Variants in PLXNA4 observed in about 807,000 individuals in gnomAD.
PLXNA4 encodes the protein plexin A4.
Under a neutral mutation model 191.8 loss-of-function variants are expected in PLXNA4, and 44 were observed. That is an observed-to-expected ratio of 0.23 (90% CI 0.18 to 0.29). The LOEUF is 0.29. Ranked by LOEUF, PLXNA4 falls within the 10% of genes least tolerant of loss-of-function variation. The pLI, the probability that PLXNA4 is intolerant of heterozygous loss-of-function variation, is 1.00. For synonymous variants in PLXNA4, 1,082 were observed against 1,009.5 expected (o/e 1.07, Z -1.36); for missense variants, 1,800 against 2,488.8 (o/e 0.72, Z 5.89).
At chr7:132,151,228 AAG>A (rs781572418) in intron 25 of PLXNA4, among the ~76,000 whole-genome samples, 11 of 150,470 alleles carry the variant, frequency 7.3e-5, no homozygotes, top group Non-Finnish European at 1.5e-5. Context: ...GAAGAGGAAA[AAG>A]AGGAGAAGAG....
Position 132,269,950 on chromosome 7 carries a change from T to C in PLXNA4, c.1503+28141A>G, listed in dbSNP as rs141561042. 7.2e-5 allele frequency among the ~76,000 whole-genome samples: 11 copies of C among 152,118 alleles called. No individual in the cohort carries two copies. In the East Asian group the frequency reaches 1.7e-3, roughly 24 times the overall value. On this transcript the variant is annotated intron_variant, in intron 4 of 31. Transcript: ENST00000321063. ...TGAGGCCCCTACTTTTAATGGGAAA[T>C]CACAAAGAAACGTGCTTGAGGGATT... is the stretch of plus-strand genomic sequence containing the variant.
rs1377048855 is a variant in PLXNA4 at position 132,241,135 on chromosome 7, T to A, written c.1535A>T (p.Gln512Leu). The A allele has an allele frequency of 1.2e-6, 2 of 1,612,890 alleles. No homozygotes were observed. The highest frequency in any genetic ancestry group is 3.3e-5 in the Admixed American group (2 of 59,980). ...LTRVPVESCG[Q>L]YQSCGECLGS... ...AAGGCACTCGCCGCAGCTCTGATAC[T>A]GACCACAGGACTCCACAGGGACTCT... Residue 512 changes from glutamine to leucine, a missense_variant, in exon 5 of 32, where the codon CAG (glutamine) becomes CTG (leucine). This residue lies in a region of PLXNA4 where 1,397 missense variants were observed against 1,880.4 expected (regional missense o/e 0.74). Coordinates refer to ENST00000321063, the MANE Select transcript of PLXNA4 (RefSeq NM_020911.2).
chr7:132,401,289 A>C (rs1366643859), intron 3 of PLXNA4, among the ~76,000 whole-genome samples: 4 of 152,224 alleles, frequency 2.6e-5, no homozygotes, highest in Non-Finnish European at 5.9e-5. Context: ...TTGCAATTGC[A>C]TGCAAATTCA....
Position 132,384,745 on chromosome 7 carries a change from TACACACACACAC to T in PLXNA4, c.1372-86535_1372-86524del, listed in dbSNP as rs10535106. 374 of 994,998 alleles carry T rather than the reference TACACACACACAC, an allele frequency of 3.8e-4. 1 individual carries two copies. Among genetic ancestry groups the T allele is most frequent in the East Asian group, 3.1e-3 (27 of 8,678 alleles). 61.6% of individuals were successfully genotyped at this position (994,998 alleles called of 1,614,324 possible). A position where few individuals can be genotyped will look rare whatever the true frequency, so the allele number is the denominator to read the frequency against. ...ACACACCTTTAAACACAGATAAGCA[TACACACACACAC>T]ACACACACACACACACACACACACA... On this transcript the variant is annotated intron_variant, in intron 3 of 31. Coordinates refer to ENST00000321063, the MANE Select transcript of PLXNA4 (RefSeq NM_020911.2).
intron 3 of PLXNA4, among the ~76,000 whole-genome samples, chr7:132,474,401 T>G (rs1329661744): frequency 1.3e-5 from 2 of 152,198 alleles, no homozygotes; most frequent in Non-Finnish European, 2.9e-5. Flanking sequence ...TCAAAGCCCC[T>G]GTTTCCAGCC....
Position 132,538,322 on chromosome 7 carries a change from G to A in PLXNA4, c.-86-29543C>T, listed in dbSNP as rs373904586. ...GTTATATGATCAGCACAAATGCACC[G>A]GCAAGGTCTTAGGCAGAGGCAGTCT... is the stretch of plus-strand genomic sequence containing the variant. On this transcript the variant is annotated intron_variant, in intron 1 of 31. Transcript: ENST00000321063. Among the ~76,000 whole-genome samples the A allele has an allele frequency of 8.4e-4, 128 of 152,280 alleles. 1 individual carries two copies. Among genetic ancestry groups the A allele is most frequent in the African/African-American group, 2.9e-3 (120 of 41,568 alleles).
At chr7:132,311,193 T>TGTGTGTGTGTGCGCGC (rs71178034) in intron 3 of PLXNA4, among the ~76,000 whole-genome samples, 20 of 89,908 alleles carry the variant, frequency 2.2e-4, no homozygotes, top group African/African-American at 3.8e-4. Flanking sequence ...TGTGTGTGTG[T>TGTGTGTGTGTGCGCGC]GCGCGTGTGG....
chr7:132,249,091 C>T (rs117143471), intron 4 of PLXNA4, among the ~76,000 whole-genome samples: 7 of 152,352 alleles, frequency 4.6e-5, no homozygotes, highest in East Asian at 1.9e-4. Context: ...CAAAGGCAAC[C>T]GCCCCAGGGC....
At chr7:132,136,687 G>A (rs569569113) in intron 30 of PLXNA4, among the ~76,000 whole-genome samples, 28 of 152,322 alleles carry the variant, frequency 1.8e-4, no homozygotes, top group African/African-American at 5.1e-4. Context: ...GTGACAGTGC[G>A]TATCTCACAT....
At chr7:132,333,910 G>A (rs1323957588) in intron 3 of PLXNA4, among the ~76,000 whole-genome samples, 1 of 152,096 alleles carries the variant, frequency 6.6e-6, no homozygotes, top group East Asian at 1.9e-4. Context: ...TTCTACACAG[G>A]AAAACTTACC....
intron 2 of PLXNA4, among the ~76,000 whole-genome samples, chr7:132,603,448 GTC>G (rs1321850924): frequency 1.3e-5 from 2 of 152,142 alleles, no homozygotes; most frequent in African/African-American, 4.8e-5. Context: ...ATTGTGTCTG[GTC>G]TCTAAGCAAA....
chr7:132,203,528 G>A (rs2116867735), intron 10 of PLXNA4, 109 bp from the exon 11 acceptor site: 1 of 903,190 alleles, frequency 1.1e-6, no homozygotes, highest in Non-Finnish European at 1.8e-6. Flanking sequence ...GCTAAAGACT[G>A]GCCAAGACTG....
At chr7:132,176,234 C>T (rs1248100296) in intron 20 of PLXNA4, among the ~76,000 whole-genome samples, 1 of 152,160 alleles carries the variant, frequency 6.6e-6, no homozygotes, top group Non-Finnish European at 1.5e-5. Flanking sequence ...TCCTGCTGCT[C>T]CTCTCTCCCT....
At chr7:132,427,019 G>T (rs964667706) in intron 3 of PLXNA4, among the ~76,000 whole-genome samples, 1 of 152,122 alleles carries the variant, frequency 6.6e-6, no homozygotes, top group African/African-American at 2.4e-5. Flanking sequence ...ACAAGAAATG[G>T]GGCCCAGGAG....
chr7:132,174,887 A>G lies in PLXNA4; in HGVS notation c.3908T>C (p.Leu1303Pro). ...CCCGGCTCCATCCAGGTCACTGGTC[A>G]GCTCATGGATGTCCGTCTGCAGCTC... is the stretch of plus-strand genomic sequence containing the variant. The part of the protein sequence containing the change: ...FAELQTDIHE[L>P]TSDLDGAGIP... The change falls in exon 21 of 32, where the codon CTG (leucine) becomes CCG (proline). Residue 1303 changes from leucine to proline, a missense_variant. Coordinates refer to ENST00000321063, the MANE Select transcript of PLXNA4 (RefSeq NM_020911.2). The G allele has an allele frequency of 6.2e-7, 1 of 1,614,174 alleles. No homozygotes were observed. Among genetic ancestry groups the G allele is most frequent in the Non-Finnish European group, 8.5e-7 (1 of 1,180,012 alleles).
At position 132,145,238 on chromosome 7, in the gene PLXNA4, C is replaced by T. The variant is rs372506804; in HGVS notation, c.5106G>A (p.Thr1702=). ...GGGGCAGGGCAGAGCCACGGTGTGCCGTGCTGAAGATGGTCTCAAAGAGGT... is the reference window on the plus strand; with the variant it reads ...GGGGCAGGGCAGAGCCACGGTGTGCTGTGCTGAAGATGGTCTCAAAGAGGT... The part of the protein sequence containing the change: ...VDDLFETIFS[T]AHRGSALPLA... The change falls in exon 29 of 32, where the codon ACG becomes ACA. Residue 1702 remains threonine, a synonymous_variant. Transcript: ENST00000321063. 1.5e-5 allele frequency: 25 copies of T among 1,614,070 alleles called. No homozygotes were observed. The highest frequency in any genetic ancestry group is 1.1e-4 in the East Asian group (5 of 44,892).
chr7:132,414,579 T>C (rs1383404840), intron 3 of PLXNA4, among the ~76,000 whole-genome samples: 1 of 152,116 alleles, frequency 6.6e-6, no homozygotes, highest in Non-Finnish European at 1.5e-5. Context: ...ATACTCTCTG[T>C]AAAATATCTG....
intron 3 of PLXNA4, among the ~76,000 whole-genome samples, chr7:132,358,502 G>T (rs984531078): frequency 6.6e-6 from 1 of 152,196 alleles, no homozygotes; most frequent in African/African-American, 2.4e-5. Flanking sequence ...AGGAGGATAT[G>T]ACTGTGTTTT....
chr7:132,480,904 G>C (rs925370077), intron 3 of PLXNA4, among the ~76,000 whole-genome samples: 1 of 152,174 alleles, frequency 6.6e-6, no homozygotes, highest in Admixed American at 6.5e-5. Context: ...TTTAAATTTA[G>C]CCAGGGCCCT....
Sources: gnomAD v4.1 joint callset for allele counts (sites outside exome capture counted in the v4.1 genomes callset) on GRCh38, gnomAD v4.1.1 for gene constraint, gnomAD v4.1.1 regional missense constraint, MANE v1.5 for transcripts, NCBI Gene and HGNC (gene_info 2026-07-23, HGNC 2026-07-21) for gene names.